The following NOCT variants were observed in gnomAD, a reference collection of about 807,000 sequenced individuals.
The protein encoded by NOCT is nocturnin.
NOCT carries 18 observed loss-of-function variants against 35.0 expected under a neutral mutation model. The ratio of observed to expected loss-of-function variants is 0.51; its 90% CI spans 0.36 to 0.76. The LOEUF is 0.76. NOCT is among the 30% of genes least tolerant of loss of function. The pLI is 0.01. For synonymous variants in NOCT, 235 were observed against 226.3 expected, an observed-to-expected ratio of 1.04 and a Z score of -0.34; for missense variants, 479 against 541.0, an observed-to-expected ratio of 0.89 and a Z score of 1.14.
At chr4:139,025,803 C>CAA (rs113895475) in intron 1 of NOCT, among the ~76,000 whole-genome samples, 94 of 129,038 alleles carry the variant, frequency 7.3e-4, no homozygotes, top group African/African-American at 7.7e-4. Flanking sequence ...GACTCCGTCT[C>CAA]AAAAAAAAAA....
intron 1 of NOCT, among the ~76,000 whole-genome samples, chr4:139,037,837 A>G (rs975967566): frequency 2.6e-5 from 4 of 151,792 alleles, no homozygotes; most frequent in Non-Finnish European, 4.4e-5. Flanking sequence ...ACAGTGGGTT[A>G]TGATCATACC....
intron 1 of NOCT, among the ~76,000 whole-genome samples, chr4:139,025,864 G>C (rs1182198862): frequency 6.6e-6 from 1 of 151,564 alleles, no homozygotes; most frequent in African/African-American, 2.4e-5. Flanking sequence ...AGGAAGGAGA[G>C]AAAGTAAATG....
rs1726867908 is a variant in NOCT, at chr4:139,043,147, C to G, written c.264C>G (p.Ser88=). ...AGACACTGAACAGCAGCGCTGCCTCCCAGCACCCAGAGTATTTGGTGTCAC... is the reference window on the plus strand; with the variant it reads ...AGACACTGAACAGCAGCGCTGCCTCGCAGCACCCAGAGTATTTGGTGTCAC... ...LAKTLNSSAA[S]QHPEYLVSPD... Residue 88 remains serine, a synonymous_variant, in exon 2 of 3, where the codon TCC becomes TCG. Transcript: ENST00000280614. 1.2e-6 allele frequency: 2 copies of G among 1,613,964 alleles called. No individual in the cohort carries two copies. The highest frequency in any genetic ancestry group is 1.3e-5 in the African/African-American group (1 of 74,896).
Position 139,043,070 on chromosome 4 carries a change from G to A in NOCT, c.191-4G>A, listed in dbSNP as rs186489274. Reference sequence around the variant, plus strand: ...GTGTGTAACTGTGATTTCCTTTTCCGTAGTGTGTTCCATGGGAACCGGTAC... The same window carrying A: ...GTGTGTAACTGTGATTTCCTTTTCCATAGTGTGTTCCATGGGAACCGGTAC... On this transcript the variant is annotated splice_region_variant and splice_polypyrimidine_tract_variant and intron_variant, in intron 1 of 2. Transcript: ENST00000280614. 1.1e-3 allele frequency: 1,694 copies of A among 1,587,998 alleles called. 16 individuals are homozygous for A. The African/African-American group carries it at 0.02, about 19-fold the overall frequency.
chr4:139,034,508 C>G (rs758574385), intron 1 of NOCT, among the ~76,000 whole-genome samples: 3 of 151,998 alleles, frequency 2.0e-5, no homozygotes, highest in Non-Finnish European at 2.9e-5. Flanking sequence ...AAAAATAATA[C>G]GTAAAGTCTA....
At position 139,045,339 on chromosome 4, in the gene NOCT, T is replaced by TCATG; in HGVS notation, c.1161_1162insCATG (p.Val388HisfsTer11). The TCATG allele has an allele frequency of 6.2e-7, 1 of 1,614,054 alleles. No homozygotes were observed. Among genetic ancestry groups the TCATG allele is most frequent in the Non-Finnish European group, 8.5e-7 (1 of 1,180,016 alleles). Reference sequence around the variant, plus strand: ...TCTGGTATTCTAAACATGCTCTAAATGTAAGGTCAGCTCTCGATCTGCTCA... The same window carrying TCATG: ...TCTGGTATTCTAAACATGCTCTAAATCATGGTAAGGTCAGCTCTCGATCTGCTCA... On this transcript the variant is annotated frameshift_variant, in exon 3 of 3. Transcript: ENST00000280614. LOFTEE classifies it high-confidence loss of function.
chr4:139,035,784 G>C (rs1213157644), intron 1 of NOCT, among the ~76,000 whole-genome samples: 1 of 152,132 alleles, frequency 6.6e-6, no homozygotes. Flanking sequence ...CCCTCTCACT[G>C]CTTTTTCTCT....
At chr4:139,020,684 A>G (rs1435712651) in intron 1 of NOCT, among the ~76,000 whole-genome samples, 1 of 152,114 alleles carries the variant, frequency 6.6e-6, no homozygotes, top group East Asian at 1.9e-4. Context: ...ATTAGGGAGT[A>G]TTTATGAGCT....
intron 1 of NOCT, among the ~76,000 whole-genome samples, chr4:139,017,403 T>A (rs1307811108): frequency 6.6e-6 from 1 of 151,498 alleles, no homozygotes; most frequent in African/African-American, 2.4e-5. Flanking sequence ...GATTTTTGTA[T>A]TTTTAGTAGA....
intron 1 of NOCT, among the ~76,000 whole-genome samples, chr4:139,017,129 G>A (rs1304338420): frequency 1.3e-5 from 2 of 151,304 alleles, no homozygotes; most frequent in Non-Finnish European, 2.9e-5. Flanking sequence ...CTCTGTTTCT[G>A]CCTGGGCACA....
intron 1 of NOCT, 29 bp from the exon 2 acceptor site, chr4:139,043,045 G>A (rs751050846): frequency 6.4e-6 from 10 of 1,565,072 alleles, no homozygotes; most frequent in Non-Finnish European, 8.7e-6. Flanking sequence ...AAGGAGCTGA[G>A]TGTGTAACTG....
At chr4:139,035,411 C>T (rs1450480718) in intron 1 of NOCT, among the ~76,000 whole-genome samples, 2 of 152,160 alleles carry the variant, frequency 1.3e-5, no homozygotes, top group Non-Finnish European at 2.9e-5. Context: ...GTTTTGATTA[C>T]AGGCATGAGC....
chr4:139,022,050 C>T (rs1237320166), intron 1 of NOCT, among the ~76,000 whole-genome samples: 8 of 152,176 alleles, frequency 5.3e-5, no homozygotes, highest in East Asian at 3.9e-4. Context: ...TGAGCCACCA[C>T]GCCCGGCCAC....
chr4:139,042,634 C>T (rs1726854748), intron 1 of NOCT, among the ~76,000 whole-genome samples: 1 of 152,002 alleles, frequency 6.6e-6, no homozygotes, highest in African/African-American at 2.4e-5. Context: ...TGGCTTTATA[C>T]GCCGGGCGTG....
chr4:139,040,804 T>C (rs1560734180), intron 1 of NOCT, among the ~76,000 whole-genome samples: 1 of 152,144 alleles, frequency 6.6e-6, no homozygotes, highest in Non-Finnish European at 1.5e-5. Flanking sequence ...GCTCACAATT[T>C]GGGGATCACA....
intron 1 of NOCT, among the ~76,000 whole-genome samples, chr4:139,034,069 T>TA (rs1726676634): frequency 6.6e-6 from 1 of 152,110 alleles, no homozygotes; most frequent in Non-Finnish European, 1.5e-5. Flanking sequence ...AAAATATAGT[T>TA]AAAGTTCAGG....
chr4:139,016,210 C>T, intron 1 of NOCT, 39 bp downstream of exon 1: 2 of 1,200,154 alleles, frequency 1.7e-6, no homozygotes, highest in Non-Finnish European at 2.1e-6. Context: ...ACGCCACGGC[C>T]GCCAACGCGC....
chr4:139,044,843 C>A lies in NOCT; in HGVS notation c.665C>A (p.Ser222Ter). 1.9e-6 allele frequency: 3 copies of A among 1,614,164 alleles called. No homozygotes were observed. The South Asian group carries it at 3.3e-5, about 18-fold the overall frequency. Reference sequence around the variant, plus strand: ...GGCACGTTTTTCCCCAAACCCTGGTCACCTTGTCTAGATGTAGAACACAAC... The same window carrying A: ...GGCACGTTTTTCCCCAAACCCTGGTAACCTTGTCTAGATGTAGAACACAAC... ...YQGTFFPKPW[S>*]PCLDVEHNNG... The change falls in exon 3 of 3, where the codon TCA (serine) becomes TAA (stop). Residue 222 changes from serine to a stop codon, truncating the protein, a stop_gained. Coordinates refer to ENST00000280614, the MANE Select transcript of NOCT (RefSeq NM_012118.4). LOFTEE classifies it high-confidence loss of function.
chr4:139,034,012 A>G (rs1406867395), intron 1 of NOCT, among the ~76,000 whole-genome samples: 2 of 152,094 alleles, frequency 1.3e-5, no homozygotes, highest in African/African-American at 2.4e-5. Context: ...CACGTTTGAA[A>G]TTGGCATAAT....
Sources: gnomAD v4.1 joint callset for allele counts (sites outside exome capture counted in the v4.1 genomes callset) on GRCh38, gnomAD v4.1.1 for gene constraint, MANE v1.5 for transcripts, NCBI Gene and HGNC (gene_info 2026-07-23, HGNC 2026-07-21) for gene names.